Variants in NT5C2 observed in about 807,000 individuals in gnomAD.
NT5C2 encodes the protein cytosolic purine 5'-nucleotidase.
Under a neutral mutation model 76.1 loss-of-function variants are expected in NT5C2, and 58 were observed. The observed-to-expected ratio is 0.76, with a 90% CI of 0.62 to 0.95. The LOEUF is 0.95. Ranked by LOEUF, NT5C2 falls within the 40% of genes least tolerant of loss-of-function variation. The pLI is 0.00. For missense variants in NT5C2, 478 were observed against 690.3 expected, an observed-to-expected ratio of 0.69 and a Z score of 3.45; for synonymous variants, 229 against 237.4, an observed-to-expected ratio of 0.96 and a Z score of 0.32.
intron 6 of NT5C2, among the ~76,000 whole-genome samples, chr10:103,104,965 TG>T (rs1339173644): frequency 1.3e-5 from 2 of 152,098 alleles, no homozygotes. Flanking sequence ...GTAAATAAGG[TG>T]GCATAACAGT....
At chr10:103,191,864 A>G (rs1396451184) in intron 1 of NT5C2, among the ~76,000 whole-genome samples, 4 of 152,218 alleles carry the variant, frequency 2.6e-5, no homozygotes, top group South Asian at 4.1e-4. Flanking sequence ...CACTTCAGAA[A>G]TAAGTCTGTG....
At chr10:103,114,756 A>C (rs1590973151) in intron 4 of NT5C2, among the ~76,000 whole-genome samples, 1 of 152,228 alleles carries the variant, frequency 6.6e-6, no homozygotes, top group East Asian at 1.9e-4. Flanking sequence ...AAGTGGATTA[A>C]AAACAGAAAA....
intron 1 of NT5C2, among the ~76,000 whole-genome samples, chr10:103,184,675 A>G (rs1267766845): frequency 6.6e-6 from 1 of 152,258 alleles, no homozygotes; most frequent in East Asian, 1.9e-4. Flanking sequence ...AAATGCAAGA[A>G]TAACTGCAGA....
chr10:103,193,069 G>A (rs967962809), intron 1 of NT5C2, among the ~76,000 whole-genome samples, 167 bp downstream of exon 1: 1 of 151,302 alleles, frequency 6.6e-6, no homozygotes, highest in Admixed American at 6.6e-5. Context: ...CGCTGGCGGG[G>A]ACTCGGCCTA....
chr10:103,167,449 A>AT (rs2086677411), intron 3 of NT5C2, among the ~76,000 whole-genome samples: 2 of 152,230 alleles, frequency 1.3e-5, no homozygotes, highest in Non-Finnish European at 2.9e-5. Flanking sequence ...AACCAATACT[A>AT]AAATGACAGT....
At chr10:103,165,574 CT>C (rs35898850) in intron 3 of NT5C2, among the ~76,000 whole-genome samples, 56,679 of 109,122 alleles carry the variant, frequency 0.52, 13,651 homozygotes, top group South Asian at 0.57. Context: ...CCACCTGTGG[CT>C]TTTTTTTTTT....
chr10:103,090,933 T>C lies in NT5C2; in HGVS notation c.1272+3A>G, dbSNP rs748454452. The stretch of plus-strand genomic sequence containing the variant: ...AGTTTTCTCCCAAATCCCATTTGGA[T>C]ACCTTAATACGTCTCTGGATGGAAC... On this transcript the variant is annotated splice_donor_region_variant and intron_variant, in intron 17 of 18. Coordinates refer to ENST00000404739, the MANE Select transcript of NT5C2 (RefSeq NM_001351169.2). 11 of 1,612,942 alleles carry C rather than the reference T, an allele frequency of 6.8e-6. No individual in the cohort carries two copies. Among genetic ancestry groups the C allele is most frequent in the Non-Finnish European group, 9.3e-6 (11 of 1,178,984 alleles).
chr10:103,093,072 C>A, intron 15 of NT5C2, 67 bp downstream of exon 15: 1 of 1,363,098 alleles, frequency 7.3e-7, no homozygotes, highest in South Asian at 1.8e-5. Context: ...AATGGTTTAT[C>A]AAAGACGACT....
intron 3 of NT5C2, among the ~76,000 whole-genome samples, chr10:103,174,234 C>G (rs575569125): frequency 6.6e-6 from 1 of 152,258 alleles, no homozygotes; most frequent in East Asian, 1.9e-4. Flanking sequence ...TGGCAAAACC[C>G]TGTCTCTACC....
chr10:103,138,549 G>A (rs894953825), intron 4 of NT5C2, among the ~76,000 whole-genome samples: 12 of 152,116 alleles, frequency 7.9e-5, no homozygotes, highest in African/African-American at 2.9e-4. Flanking sequence ...TTTGGTTCCT[G>A]TGTTAGTCTG....
intron 4 of NT5C2, among the ~76,000 whole-genome samples, chr10:103,124,277 A>G (rs1170411528): frequency 6.6e-6 from 1 of 152,176 alleles, no homozygotes; most frequent in Non-Finnish European, 1.5e-5. Flanking sequence ...CACACTGGTA[A>G]ACATGCTCAT....
intron 18 of NT5C2, 96 bp from the exon 19 acceptor site, chr10:103,090,004 T>G: frequency 1.1e-6 from 1 of 915,210 alleles, no homozygotes; most frequent in Non-Finnish European, 1.6e-6. Context: ...GGCCATGCAA[T>G]TACATCTATA....
intron 3 of NT5C2, among the ~76,000 whole-genome samples, chr10:103,148,142 A>G (rs899004101): frequency 1.3e-5 from 2 of 152,356 alleles, no homozygotes; most frequent in South Asian, 4.1e-4. Flanking sequence ...TACCATGGAC[A>G]TACAGACACA....
At chr10:103,157,669 A>T (rs2083722819) in intron 3 of NT5C2, among the ~76,000 whole-genome samples, 1 of 152,214 alleles carries the variant, frequency 6.6e-6, no homozygotes, top group Non-Finnish European at 1.5e-5. Flanking sequence ...AGATTATTCA[A>T]GATAGACCAC....
chr10:103,174,777 C>T (rs1392075888), intron 3 of NT5C2, 81 bp downstream of exon 3: 1 of 927,932 alleles, frequency 1.1e-6, no homozygotes, highest in Non-Finnish European at 1.8e-6. Context: ...CTTAACCTCT[C>T]TGTACATTAA....
At chr10:103,136,441 A>C (rs928377766) in intron 4 of NT5C2, among the ~76,000 whole-genome samples, 1 of 152,238 alleles carries the variant, frequency 6.6e-6, no homozygotes, top group Non-Finnish European at 1.5e-5. Context: ...TATGTAATAA[A>C]GCACTTGGAA....
chr10:103,137,517 T>C (rs2079525257), intron 4 of NT5C2, among the ~76,000 whole-genome samples: 1 of 152,264 alleles, frequency 6.6e-6, no homozygotes, highest in African/African-American at 2.4e-5. Context: ...GTATTATTCA[T>C]TCACATTTGT....
At position 103,175,018 on chromosome 10, in the gene NT5C2, T is replaced by C. The variant is rs534063510; in HGVS notation, c.-24-36A>G. ...AAATCATTAATTTAGTAACTTAATA[T>C]TGGCATCTGTATACTGACATCTGAT... On this transcript the variant is annotated intron_variant, in intron 2 of 18. Transcript: ENST00000404739. The C allele has an allele frequency of 1.6e-5, 19 of 1,211,622 alleles. No homozygotes were observed. The African/African-American group carries it at 1.9e-4, about 12-fold the overall frequency. The allele number at this position is 1,211,622 out of a possible 1,614,324, so 75.1% of individuals were successfully genotyped here.
intron 4 of NT5C2, among the ~76,000 whole-genome samples, chr10:103,135,174 T>C (rs1428688714): frequency 6.6e-6 from 1 of 152,172 alleles, no homozygotes; most frequent in African/African-American, 2.4e-5. Context: ...TTTTGAAATG[T>C]GAGGACAAGA....
Sources: gnomAD v4.1 joint callset for allele counts (sites outside exome capture counted in the v4.1 genomes callset) on GRCh38, gnomAD v4.1.1 for gene constraint, MANE v1.5 for transcripts, NCBI Gene and HGNC (gene_info 2026-07-23, HGNC 2026-07-21) for gene names.